IDO2: variants seen among roughly 807,000 people sequenced by gnomAD.
IDO2 encodes indoleamine 2,3-dioxygenase 2.
A neutral mutation model predicts 45.1 loss-of-function variants in IDO2; 46 were observed. The observed-to-expected ratio is 1.02, with a 90% CI of 0.80 to 1.30. IDO2 has a LOEUF of 1.30. IDO2 is among the 50% of genes most tolerant of loss of function. IDO2 has a pLI of 0.00. For missense variants in IDO2, 544 were observed against 491.8 expected (o/e 1.11, Z -1.00); for synonymous variants, 218 against 184.9 (o/e 1.18, Z -1.45).
chr8:40,008,853 G>A (rs1802262038), intron 9 of IDO2, among the ~76,000 whole-genome samples: 1 of 152,148 alleles, frequency 6.6e-6, no homozygotes, highest in African/African-American at 2.4e-5. Flanking sequence ...TATTTCCCAT[G>A]TAGCTAAGTG....
chr8:40,007,818 C>T (rs996912890), intron 9 of IDO2, among the ~76,000 whole-genome samples: 1 of 152,120 alleles, frequency 6.6e-6, no homozygotes, highest in African/African-American at 2.4e-5. Context: ...CATTTAGGGT[C>T]GCAAAAGGCC....
In IDO2 at chr8:39,988,929, A is replaced by G. The variant is rs150549564; in HGVS notation, c.550-792A>G. Among the ~76,000 whole-genome samples, 38 of 152,318 alleles carry G rather than the reference A, an allele frequency of 2.5e-4. No homozygotes were observed. The East Asian group carries it at 6.7e-3, about 27-fold the overall frequency. Reference sequence around the variant, plus strand: ...CAGATGAAGTAGAGACTCAAGGAAGACAAGGAAGTCTTCCCAGCAGAGGGG... The same window carrying G: ...CAGATGAAGTAGAGACTCAAGGAAGGCAAGGAAGTCTTCCCAGCAGAGGGG... On this transcript the variant is annotated intron_variant, in intron 7 of 10. Coordinates refer to ENST00000502986, the Ensembl canonical transcript of IDO2.
intron 3 of IDO2, among the ~76,000 whole-genome samples, chr8:39,964,934 T>C (rs1165591531): frequency 2.6e-5 from 4 of 152,186 alleles, no homozygotes; most frequent in African/African-American, 7.2e-5. Flanking sequence ...ATGAGTCCCC[T>C]TTTCCCATCT....
At chr8:39,990,517 T>C (rs1808484251) in intron 8 of IDO2, among the ~76,000 whole-genome samples, 1 of 152,190 alleles carries the variant, frequency 6.6e-6, no homozygotes, top group Admixed American at 6.5e-5. Flanking sequence ...ATCACAACCT[T>C]ACATACACAA....
rs894041715 is a variant in IDO2 at position 39,970,346 on chromosome 8, A to C, written c.195+6643A>C. Among the ~76,000 whole-genome samples the C allele has an allele frequency of 2.0e-5, 3 of 152,234 alleles. No individual in the cohort carries two copies. The South Asian group carries it at 6.2e-4, about 32-fold the overall frequency. On this transcript the variant is annotated intron_variant, in intron 3 of 10. Transcript: ENST00000502986. ...GCTAATTATCCAGAAGATCCAGCTA[A>C]AATCATCAATGAAGGTGGCTACATT...
intron 3 of IDO2, among the ~76,000 whole-genome samples, chr8:39,966,107 C>A (rs1808080774): frequency 6.9e-6 from 1 of 145,970 alleles, no homozygotes; most frequent in South Asian, 2.2e-4. Flanking sequence ...TGGCTCACTG[C>A]AACCTCCAGC....
chr8:39,945,629 C>T (rs116117540), intron 1 of IDO2, among the ~76,000 whole-genome samples: 93 of 152,194 alleles, frequency 6.1e-4, no homozygotes, highest in African/African-American at 2.2e-3. Flanking sequence ...GAATTACCTA[C>T]AAGGGTATAA....
Position 39,985,307 on chromosome 8 carries a change from C to A in IDO2, c.435-201C>A, listed in dbSNP as rs1248049375. ...TGGAAATGTCGCTCACCCTTTATCA[C>A]ATAGCACCCCATAGTCCAGCCACAA... On this transcript the variant is annotated intron_variant, in intron 5 of 10. Transcript: ENST00000502986. 5 of 595,518 alleles carry A rather than the reference C, an allele frequency of 8.4e-6. No homozygotes were observed. In the East Asian group the frequency reaches 1.1e-4, roughly 13 times the overall value. The allele number at this position is 595,518 out of a possible 1,614,324, so 36.9% of individuals were successfully genotyped here.
intron 8 of IDO2, among the ~76,000 whole-genome samples, chr8:40,003,118 A>G (rs939859814): frequency 6.6e-6 from 1 of 151,964 alleles, no homozygotes; most frequent in African/African-American, 2.4e-5. Context: ...ATAAGAGAGT[A>G]TATCCCTTCG....
At chr8:40,011,314 C>T (rs1563443417) in intron 9 of IDO2, among the ~76,000 whole-genome samples, 1 of 152,208 alleles carries the variant, frequency 6.6e-6, no homozygotes, top group Admixed American at 6.5e-5. Flanking sequence ...CAACATTTAG[C>T]AGTACTCAAG....
chr8:39,961,427 A>T (rs1807995583), intron 2 of IDO2, among the ~76,000 whole-genome samples: 1 of 148,330 alleles, frequency 6.7e-6, no homozygotes, highest in Non-Finnish European at 1.5e-5. Flanking sequence ...GGTTCAAGCG[A>T]TTCTCCTACA....
At chr8:39,941,396 C>G (rs990032916) in intron 1 of IDO2, among the ~76,000 whole-genome samples, 8 of 152,044 alleles carry the variant, frequency 5.3e-5, no homozygotes, top group Non-Finnish European at 8.8e-5. Context: ...GTTTCAGGAG[C>G]AGTAAATCAT....
At chr8:39,958,499 C>T (rs1427174620) in intron 2 of IDO2, among the ~76,000 whole-genome samples, 1 of 152,212 alleles carries the variant, frequency 6.6e-6, no homozygotes, top group Non-Finnish European at 1.5e-5. Flanking sequence ...TGGGTTCAAG[C>T]GATTCTCCTG....
intron 8 of IDO2, among the ~76,000 whole-genome samples, chr8:40,000,466 T>C (rs1263870004): frequency 6.6e-6 from 1 of 152,196 alleles, no homozygotes; most frequent in Non-Finnish European, 1.5e-5. Context: ...TATTTTGTTT[T>C]GTAGGGTTTT....
At chr8:39,939,826 C>A (rs1807616937) in intron 1 of IDO2, among the ~76,000 whole-genome samples, 1 of 151,962 alleles carries the variant, frequency 6.6e-6, no homozygotes, top group Admixed American at 6.6e-5. Flanking sequence ...ACTCAATGTA[C>A]CAGCGTTATC....
At chr8:40,011,240 G>T (rs1802306234) in intron 9 of IDO2, among the ~76,000 whole-genome samples, 1 of 152,156 alleles carries the variant, frequency 6.6e-6, no homozygotes, top group South Asian at 2.1e-4. Flanking sequence ...AATCTATGAG[G>T]CTAGAGAAGA....
chr8:39,960,575 C>CT (rs1434398357), intron 2 of IDO2, among the ~76,000 whole-genome samples: 1 of 152,202 alleles, frequency 6.6e-6, no homozygotes, highest in African/African-American at 2.4e-5. Flanking sequence ...TTTTCTAATT[C>CT]CTCAACACAC....
intron 3 of IDO2, among the ~76,000 whole-genome samples, chr8:39,971,733 A>G (rs1418797143): frequency 2.0e-5 from 3 of 152,230 alleles, no homozygotes; most frequent in African/African-American, 7.2e-5. Flanking sequence ...GATGTCGCAG[A>G]AATAGTATGA....
At chr8:39,965,748 G>A (rs1808075520) in intron 3 of IDO2, among the ~76,000 whole-genome samples, 1 of 152,012 alleles carries the variant, frequency 6.6e-6, no homozygotes, top group Non-Finnish European at 1.5e-5. Context: ...TGAAGATGGA[G>A]GTAGAATTGG....
Sources: gnomAD v4.1 joint callset for allele counts (sites outside exome capture counted in the v4.1 genomes callset) on GRCh38, gnomAD v4.1.1 for gene constraint, MANE v1.5 for transcripts, NCBI Gene and HGNC (gene_info 2026-07-23, HGNC 2026-07-21) for gene names.